Variants in ROBO2 observed in about 807,000 individuals in gnomAD.
ROBO2 encodes the protein roundabout guidance receptor 2.
Under a neutral mutation model 160.8 loss-of-function variants are expected in ROBO2, and 53 were observed. The observed-to-expected ratio is 0.33, with a 90% CI of 0.26 to 0.41. The LOEUF (loss-of-function observed/expected upper bound fraction) is 0.41. Among genes scored for constraint, ROBO2 ranks in the 10% least tolerant of loss-of-function variants. The pLI is 1.00. For synonymous variants in ROBO2, 664 were observed against 611.7 expected, an observed-to-expected ratio of 1.09 and a Z score of -1.26; for missense variants, 1,577 against 1,722.4, an observed-to-expected ratio of 0.92 and a Z score of 1.49.
intron 2 of ROBO2, among the ~76,000 whole-genome samples, chr3:76,037,076 T>C (rs1306307920): frequency 2.0e-5 from 3 of 151,914 alleles, no homozygotes; most frequent in Non-Finnish European, 4.4e-5. Context: ...AAGTACTATA[T>C]GCTCATCCAT....
chr3:76,377,100 A>G (rs1285041878), intron 2 of ROBO2, among the ~76,000 whole-genome samples: 1 of 152,180 alleles, frequency 6.6e-6, no homozygotes, highest in Non-Finnish European at 1.5e-5. Context: ...GTAAGGATAC[A>G]TCAAATCTGT....
chr3:76,765,909 G>A (rs925775274), intron 2 of ROBO2, among the ~76,000 whole-genome samples: 5 of 151,582 alleles, frequency 3.3e-5, no homozygotes, highest in Admixed American at 6.6e-5. Context: ...CACATCAATC[G>A]TAACTGGAAT....
chr3:76,919,708 C>G (rs1011654618), intron 2 of ROBO2, among the ~76,000 whole-genome samples: 1 of 152,058 alleles, frequency 6.6e-6, no homozygotes, highest in African/African-American at 2.4e-5. Context: ...TTTATTGACA[C>G]ATAGACCTTT....
At chr3:76,452,243 T>G (rs1369966136) in intron 2 of ROBO2, among the ~76,000 whole-genome samples, 1 of 152,096 alleles carries the variant, frequency 6.6e-6, no homozygotes, top group Non-Finnish European at 1.5e-5. Context: ...TACTTACATA[T>G]GTATACATGT....
intron 1 of ROBO2, among the ~76,000 whole-genome samples, chr3:77,061,314 G>C (rs1399895660): frequency 1.3e-5 from 2 of 152,112 alleles, no homozygotes; most frequent in Non-Finnish European, 2.9e-5. Context: ...TAATTTGGAA[G>C]CCCTTTGTTT....
chr3:77,589,624 G>C (rs1046746870), intron 17 of ROBO2, among the ~76,000 whole-genome samples: 1 of 152,082 alleles, frequency 6.6e-6, no homozygotes, highest in African/African-American at 2.4e-5. Context: ...CTCCAAGACA[G>C]AGTTTCAAGG....
chr3:76,639,458 A>G (rs982706371), intron 2 of ROBO2, among the ~76,000 whole-genome samples: 3 of 121,964 alleles, frequency 2.5e-5, no homozygotes, highest in African/African-American at 7.0e-5. Flanking sequence ...GTGTACCTAC[A>G]CTCTCTCACA....
chr3:75,921,259 G>A (rs1947034300), intron 1 of ROBO2, among the ~76,000 whole-genome samples: 1 of 146,608 alleles, frequency 6.8e-6, no homozygotes, highest in South Asian at 2.2e-4. Flanking sequence ...CTGCTTGTCT[G>A]TAAAGGATTT....
chr3:76,460,575 C>T (rs370824403), intron 2 of ROBO2, among the ~76,000 whole-genome samples: 1 of 152,138 alleles, frequency 6.6e-6, no homozygotes, highest in Non-Finnish European at 1.5e-5. Flanking sequence ...GAGAAAATTA[C>T]CTTTGTGGAT....
At chr3:77,038,794 G>C (rs1347716887), upstream of ROBO2, among the ~76,000 whole-genome samples, 1 of 152,178 alleles carries the variant, frequency 6.6e-6, no homozygotes, top group African/African-American at 2.4e-5. Flanking sequence ...GCATCCTTTG[G>C]TAGTCTTGGT....
intron 2 of ROBO2, among the ~76,000 whole-genome samples, chr3:76,614,764 T>C (rs1223337806): frequency 6.6e-6 from 1 of 152,162 alleles, no homozygotes; most frequent in Non-Finnish European, 1.5e-5. Context: ...TAAATAAAAT[T>C]GAATTTCAGG....
chr3:75,969,805 C>G (rs774426250), intron 2 of ROBO2, among the ~76,000 whole-genome samples: 1 of 151,446 alleles, frequency 6.6e-6, no homozygotes, highest in Non-Finnish European at 1.5e-5. Flanking sequence ...ATCTGACATA[C>G]GGTTTGTAAA....
chr3:77,154,970 A>G (rs2077872349), intron 2 of ROBO2, among the ~76,000 whole-genome samples: 1 of 151,976 alleles, frequency 6.6e-6, no homozygotes, highest in African/African-American at 2.4e-5. Flanking sequence ...TAAGCATTAC[A>G]CAGTGTACTC....
chr3:76,502,451 T>G (rs2080513271), intron 2 of ROBO2, among the ~76,000 whole-genome samples: 1 of 152,370 alleles, frequency 6.6e-6, no homozygotes, highest in Middle Eastern at 3.4e-3. Flanking sequence ...TGATGTAAAC[T>G]TATTTACCAT....
At chr3:77,192,962 C>T (rs1353356511) in intron 2 of ROBO2, among the ~76,000 whole-genome samples, 2 of 151,804 alleles carry the variant, frequency 1.3e-5, no homozygotes, top group Non-Finnish European at 2.9e-5. Context: ...CCCACATTTC[C>T]ATTTTTAATA....
chr3:76,240,718 A>T (rs1705234260), intron 2 of ROBO2, among the ~76,000 whole-genome samples: 1 of 152,104 alleles, frequency 6.6e-6, no homozygotes, highest in Admixed American at 6.6e-5. Context: ...CATCTAAATC[A>T]CCAATAGATA....
chr3:77,063,299 A>T (rs1205178163), intron 1 of ROBO2, among the ~76,000 whole-genome samples: 2 of 152,198 alleles, frequency 1.3e-5, no homozygotes, highest in African/African-American at 4.8e-5. Context: ...AAGCTCTCTC[A>T]TGCAATTCTT....
intron 2 of ROBO2, among the ~76,000 whole-genome samples, chr3:76,086,220 G>C (rs2069006879): frequency 6.6e-6 from 1 of 152,046 alleles, no homozygotes; most frequent in Non-Finnish European, 1.5e-5. Flanking sequence ...TTCTTCATGT[G>C]GTGGCAGCAA....
At chr3:76,353,662 T>C (rs1011102299) in intron 2 of ROBO2, among the ~76,000 whole-genome samples, 7 of 151,924 alleles carry the variant, frequency 4.6e-5, no homozygotes, top group African/African-American at 1.7e-4. Context: ...AACATGGAAA[T>C]ACAAGGCAAA....
Sources: allele counts gnomAD v4.1 joint callset (sites outside exome capture counted in the v4.1 genomes callset), GRCh38; gene constraint gnomAD v4.1.1; transcripts MANE v1.5; gene names NCBI Gene and HGNC (gene_info 2026-07-23, HGNC 2026-07-21).